NFU1: variants seen among roughly 807,000 people sequenced by gnomAD.
The protein encoded by NFU1 is NFU1 iron-sulfur cluster scaffold homolog, mitochondrial.
Under a neutral mutation model 32.2 loss-of-function variants are expected in NFU1, and 30 were observed. The ratio of observed to expected loss-of-function variants is 0.93; its 90% confidence interval spans 0.70 to 1.26. The LOEUF (loss-of-function observed/expected upper bound fraction) is 1.26, where lower values mean the gene tolerates loss of function less well. Ranked by LOEUF, NFU1 falls within the 50% of genes most tolerant of loss-of-function variation. The probability of loss-of-function intolerance (pLI) is 0.00; values close to 1 mark genes in which losing one functional copy is unlikely to be tolerated. For missense variants in NFU1, 306 were observed against 306.6 expected (o/e 1.00, Z 0.02); for synonymous variants, 112 against 104.6 (o/e 1.07, Z -0.43).
intron 6 of NFU1, among the ~76,000 whole-genome samples, chr2:69,405,509 A>C (rs551567557): frequency 1.8e-4 from 28 of 152,204 alleles, no homozygotes; most frequent in African/African-American, 5.3e-4. Context: ...GGCACCTCAC[A>C]TTTTGCTTGC....
Position 69,423,619 on chromosome 2 carries a change from G to A in NFU1, c.265C>T (p.Pro89Ser). The change falls in exon 3 of 8, where the codon CCC becomes TCC. Residue 89 changes from proline to serine, a missense_variant. Physicochemically the swap from Pro to Ser is moderately conservative, Grantham distance 74. Transcript: ENST00000410022. ...GAGCGAAATGCTGCAGCTGGGGTGG[G>A]AAAATCCATGGTCCTTGTCTCAAGA... ...PVLETRTMDF[P>S]TPAAAFRSPL... 5.0e-6 allele frequency: 8 copies of A among 1,613,836 alleles called. No homozygotes were observed. The highest frequency in any genetic ancestry group is 6.8e-6 in the Non-Finnish European group (8 of 1,179,918).
intron 3 of NFU1, 64 bp from the exon 4 acceptor site, chr2:69,419,668 C>T (rs1398586826): frequency 3.1e-6 from 3 of 981,738 alleles, no homozygotes; most frequent in Admixed American, 2.1e-5. Flanking sequence ...TAAACATACA[C>T]AAAAGTAGAG....
chr2:69,421,513 TTCTC>T (rs1673238872), intron 3 of NFU1, among the ~76,000 whole-genome samples: 1 of 151,434 alleles, frequency 6.6e-6, no homozygotes, highest in African/African-American at 2.4e-5. Context: ...TATTATTAAC[TTCTC>T]TATCAGTTAA....
chr2:69,435,864 T>A (rs1243104230), intron 1 of NFU1, among the ~76,000 whole-genome samples: 23 of 151,464 alleles, frequency 1.5e-4, no homozygotes, highest in Non-Finnish European at 2.9e-5. Context: ...GCAATTCCCC[T>A]GCCTCAGCCT....
rs985115533 is a variant in NFU1, at chr2:69,406,004, A to G, written c.545+18T>C. On this transcript the variant is annotated intron_variant, in intron 6 of 7. Coordinates refer to ENST00000410022, the MANE Select transcript of NFU1 (RefSeq NM_001002755.4). Reference sequence around the variant, plus strand: ...GCCTCCAAAGCACTTGAATTCAGGTAGAGAGAGGAGCACGTACCGTATTCT... The same window carrying G: ...GCCTCCAAAGCACTTGAATTCAGGTGGAGAGAGGAGCACGTACCGTATTCT... The G allele has an allele frequency of 1.3e-6, 2 of 1,530,060 alleles. No individual in the cohort carries two copies. Among genetic ancestry groups the G allele is most frequent in the African/African-American group, 2.7e-5 (2 of 73,486 alleles). The allele number at this position is 1,530,060 out of a possible 1,614,324, so 94.8% of individuals were successfully genotyped here.
rs759609855 is a variant in NFU1 at position 69,415,280 on chromosome 2, C to T, written c.389G>A (p.Trp130Ter). Reference protein sequence around the residue: ...TVTKENEELDWNLLKPDIYAT... With the variant: ...TVTKENEELD ...ATAAATATCTGGTTTCAGTAAATTC[C>T]AGTCTAATTCTTCATTTTCCTATAA... is the stretch of plus-strand genomic sequence containing the variant. Residue 130 changes from tryptophan (W) to a stop codon, truncating the protein, a stop_gained, in exon 5 of 8, where the codon TGG becomes TAG. Transcript: ENST00000410022. LOFTEE classifies it high-confidence loss of function. 3.7e-6 allele frequency: 6 copies of T among 1,603,836 alleles called. No homozygotes were observed. Among genetic ancestry groups the T allele is most frequent in the Non-Finnish European group, 4.3e-6 (5 of 1,171,048 alleles).
chr2:69,398,773 C>G (rs1672418605), intron 7 of NFU1, among the ~76,000 whole-genome samples: 1 of 152,208 alleles, frequency 6.6e-6, no homozygotes, highest in Non-Finnish European at 1.5e-5. Flanking sequence ...TTCTGACCAA[C>G]TGGATTTGCC....
chr2:69,409,579 G>C (rs1672811235), intron 5 of NFU1, among the ~76,000 whole-genome samples: 2 of 152,164 alleles, frequency 1.3e-5, no homozygotes, highest in Non-Finnish European at 2.9e-5. Flanking sequence ...TTATTTGGTT[G>C]ATTCTGATGT....
intron 2 of NFU1, among the ~76,000 whole-genome samples, chr2:69,425,173 C>T (rs1250018493): frequency 1.3e-5 from 2 of 151,818 alleles, no homozygotes; most frequent in African/African-American, 2.4e-5. Flanking sequence ...CCACCGCGCC[C>T]AGCCAAAGGC....
In NFU1 at chr2:69,400,462, C is replaced by A. The variant is rs374514431; in HGVS notation, c.622G>T (p.Gly208Cys). 109 of 1,613,872 alleles carry A rather than the reference C, an allele frequency of 6.8e-5. No homozygotes were observed. The Admixed American group carries it at 6.8e-4, about 10-fold the overall frequency. ...GAACTAGGGCAGCTGGTACAAGAAC[C>A]CTGGAGTTTCAGCTGTACAATGCCA... Reference protein sequence around the residue: ...EDGIVQLKLQGSCTSCPSSII... With the variant: ...EDGIVQLKLQCSCTSCPSSII... Residue 208 changes from glycine to cysteine, a missense_variant, in exon 7 of 8, where the codon GGT (glycine) becomes TGT (cysteine). By Grantham distance (159) the Gly-to-Cys change is radical. Coordinates refer to ENST00000410022, the MANE Select transcript of NFU1 (RefSeq NM_001002755.4).
At chr2:69,409,748 T>C (rs1041981502) in intron 5 of NFU1, among the ~76,000 whole-genome samples, 2 of 152,056 alleles carry the variant, frequency 1.3e-5, no homozygotes, top group African/African-American at 2.4e-5. Context: ...AAAGAACTAA[T>C]AGAGTAAGAA....
Position 69,400,499 on chromosome 2 carries a change from T to C in NFU1, c.585A>G (p.Lys195=). Residue 195 remains lysine, a synonymous_variant, in exon 7 of 8, where the codon AAA becomes AAG. Transcript: ENST00000410022. ...GCTGTACAATGCCATCTTCAAAGCC[T>C]TTGTAGATTACATCCCCTCCATCTT... ...VQEDGGDVIY[K]GFEDGIVQLK... The C allele has an allele frequency of 6.2e-7, 1 of 1,614,148 alleles. No individual in the cohort carries two copies. Among genetic ancestry groups the C allele is most frequent in the Non-Finnish European group, 8.5e-7 (1 of 1,180,004 alleles).
At chr2:69,406,288 C>A (rs1672692661) in intron 5 of NFU1, among the ~76,000 whole-genome samples, 1 of 152,040 alleles carries the variant, frequency 6.6e-6, no homozygotes, top group Non-Finnish European at 1.5e-5. Context: ...TAGGGAATAC[C>A]AATCAACTCA....
chr2:69,420,544 T>C (rs1233852193), intron 3 of NFU1, among the ~76,000 whole-genome samples: 1 of 152,232 alleles, frequency 6.6e-6, no homozygotes, highest in African/African-American at 2.4e-5. Flanking sequence ...TTTTTGTCAG[T>C]GCATTTGTTG....
At chr2:69,421,914 C>A (rs1558836053) in intron 3 of NFU1, among the ~76,000 whole-genome samples, 1 of 152,076 alleles carries the variant, frequency 6.6e-6, no homozygotes, top group Admixed American at 6.6e-5. Context: ...CTCAGGGGAT[C>A]CATTCCAATG....
intron 2 of NFU1, among the ~76,000 whole-genome samples, chr2:69,428,086 A>G (rs754779972): frequency 3.3e-5 from 5 of 152,166 alleles, no homozygotes; most frequent in African/African-American, 4.8e-5. Context: ...ATCTTACAGC[A>G]GTATATTTAA....
At chr2:69,435,014 A>G (rs539624033) in intron 1 of NFU1, among the ~76,000 whole-genome samples, 129 of 152,352 alleles carry the variant, frequency 8.5e-4, no homozygotes, top group Non-Finnish European at 1.6e-3. Context: ...CTTAGGTTCT[A>G]CAAGAGAGAT....
upstream of NFU1, chr2:69,437,460 C>T (rs555349876): frequency 6.2e-7 from 1 of 1,601,964 alleles, no homozygotes; most frequent in African/African-American, 1.3e-5. Flanking sequence ...CTGACAGAAC[C>T]ACGAAAGATC....
chr2:69,413,665 A>G (rs896448489), intron 5 of NFU1, among the ~76,000 whole-genome samples: 9 of 152,188 alleles, frequency 5.9e-5, no homozygotes, highest in Admixed American at 4.6e-4. Context: ...AGGCTGAGGT[A>G]GAAGGATCGC....
Sources: gnomAD v4.1 joint callset for allele counts (sites outside exome capture counted in the v4.1 genomes callset) on GRCh38, gnomAD v4.1.1 for gene constraint, MANE v1.5 for transcripts, NCBI Gene and HGNC (gene_info 2026-07-23, HGNC 2026-07-21) for gene names.